IGSF22: variants seen among roughly 807,000 people sequenced by gnomAD.
The protein encoded by IGSF22 is immunoglobulin superfamily member 22.
Under a neutral mutation model 127.0 loss-of-function variants are expected in IGSF22, and 119 were observed. The ratio of observed to expected loss-of-function variants is 0.94; its 90% CI spans 0.81 to 1.09. The LOEUF (loss-of-function observed/expected upper bound fraction) is 1.09, where lower values mean the gene tolerates loss of function less well. Ranked by LOEUF, IGSF22 falls within the 50% of genes least tolerant of loss-of-function variation. The pLI is 0.00. For synonymous variants in IGSF22, 568 were observed against 664.7 expected, an observed-to-expected ratio of 0.85 and a Z score of 2.24; for missense variants, 1,518 against 1,716.6, an observed-to-expected ratio of 0.88 and a Z score of 2.04.
chr11:18,712,493 CT>C (rs2134161904), intron 14 of IGSF22, 109 bp from the exon 15 acceptor site: 2 of 999,224 alleles, frequency 2.0e-6, no homozygotes, highest in Admixed American at 5.8e-5. Context: ...GGATTTTGAG[CT>C]TTTTGGATCC....
rs764511775 is a variant in IGSF22 at position 18,724,128 on chromosome 11, C to T, written c.109G>A (p.Glu37Lys). ...CCTTCCCTGCCCCCATTCCACTTGC[C>T]TCCCACGATCTTGGTTGTCTGGGAG... ...TFSQTTKIVG[E>K]EVVRRKSSSI... is the part of the protein sequence containing the mutation. The change falls in exon 2 of 23, where the codon GAG becomes AAG. Residue 37 changes from glutamate (E) to lysine (K), a missense_variant and splice_region_variant. This residue lies in a region of IGSF22 where 1,456 missense variants were observed against 1,644.9 expected (regional missense o/e 0.89). Transcript: ENST00000513874. The T allele has an allele frequency of 1.9e-6, 3 of 1,611,078 alleles. No homozygotes were observed. Among genetic ancestry groups the T allele is most frequent in the Admixed American group, 1.7e-5 (1 of 59,980 alleles).
At chr11:18,721,503 T>C (rs1018349020) in intron 4 of IGSF22, 32 bp downstream of exon 4, 1 of 1,613,982 alleles carries the variant, frequency 6.2e-7, no homozygotes, top group Admixed American at 1.7e-5. Context: ...TCTGGCCTTC[T>C]CGGTAACTGG....
In IGSF22 at chr11:18,707,196, TG is replaced by T. The variant is rs753710513; in HGVS notation, c.3297del (p.Thr1100GlnfsTer13). On this transcript the variant is annotated frameshift_variant, in exon 21 of 23. Transcript: ENST00000513874. LOFTEE classifies it high-confidence loss of function. ...ACTTCCTCAAACAACCGTAGGTTTG[TG>T]GGGGGCCGAGGGAAATCTGGAAGAG... is the stretch of plus-strand genomic sequence containing the variant. Reference protein sequence around the residue: ...HVRVADFPRPPTNLRLFEEVP... With the variant: ...HVRVADFPRPXTNLRLFEEVP... 2.0e-5 allele frequency: 30 copies of T among 1,534,556 alleles called. No individual in the cohort carries two copies. The highest frequency in any genetic ancestry group is 1.9e-4 in the African/African-American group (14 of 72,814).
At chr11:18,721,887 G>C in intron 3 of IGSF22, 23 bp downstream of exon 3, 1 of 1,611,122 alleles carries the variant, frequency 6.2e-7, no homozygotes, top group Admixed American at 1.7e-5. Context: ...CTGGAGCCCG[G>C]TGAGCCACAG....
rs1222886832 is a variant in IGSF22 at position 18,716,953 on chromosome 11, C to T, written c.1021G>A (p.Glu341Lys). The T allele has an allele frequency of 5.0e-6, 8 of 1,614,120 alleles. No individual in the cohort carries two copies. Among genetic ancestry groups the T allele is most frequent in the Middle Eastern group, 1.6e-4 (1 of 6,084 alleles). Residue 341 changes from glutamate to lysine, a missense_variant, in exon 10 of 23, where the codon GAG (glutamate) becomes AAG (lysine). Physicochemically the swap from Glu to Lys is moderately conservative, Grantham distance 56. Around this residue, in one of 3 missense-constraint regions of IGSF22, gnomAD observed 1,456 missense variants for 1,644.9 expected, o/e 0.89. Coordinates refer to ENST00000513874, the MANE Select transcript of IGSF22 (RefSeq NM_173588.4). This position sits in a 1 kb window ranked among gnomAD's most constrained non-coding sequence, Gnocchi z 4.5. ...LGEMKPVKVT[E>K]RQTAVFEIRL... is the part of the protein sequence containing the mutation. Reference sequence around the variant, plus strand: ...ATCTCAAACACAGCTGTCTGGCGCTCTGTCACCTTCACAGGCTTCATCTCT... The same window carrying T: ...ATCTCAAACACAGCTGTCTGGCGCTTTGTCACCTTCACAGGCTTCATCTCT...
chr11:18,712,044 C>T (rs1266147263), intron 15 of IGSF22, 38 bp downstream of exon 15: 1 of 1,517,226 alleles, frequency 6.6e-7, no homozygotes, highest in South Asian at 1.3e-5. Context: ...CATGCTGACC[C>T]CTGGGTTCCC....
Position 18,709,576 on chromosome 11 carries a change from G to C in IGSF22, c.2809C>G (p.Leu937Val). ...AEGDPPSGYI[L>V]EMRAEDTKEW... Reference sequence around the variant, plus strand: ...TTTGTGTCTTCAGCCCTCATCTCAAGGATGTAGCCAGAGGGTGGGTCTCCC... The same window carrying C: ...TTTGTGTCTTCAGCCCTCATCTCAACGATGTAGCCAGAGGGTGGGTCTCCC... Residue 937 changes from leucine to valine, a missense_variant, in exon 18 of 23, where the codon CTT (leucine) becomes GTT (valine). Leu to Val is a conservative substitution (Grantham distance 32). This residue lies in a region of IGSF22 where 1,456 missense variants were observed against 1,644.9 expected (regional missense o/e 0.89). Coordinates refer to ENST00000513874, the MANE Select transcript of IGSF22 (RefSeq NM_173588.4). This position sits in a 1 kb window ranked among gnomAD's most constrained non-coding sequence, Gnocchi z 4.8. The C allele has an allele frequency of 1.2e-6, 2 of 1,614,220 alleles. No homozygotes were observed. Among genetic ancestry groups the C allele is most frequent in the Non-Finnish European group, 1.7e-6 (2 of 1,180,048 alleles).
chr11:18,710,223 A>C (rs1359896532), intron 17 of IGSF22, 104 bp downstream of exon 17: 1 of 1,448,788 alleles, frequency 6.9e-7, no homozygotes, highest in Admixed American at 1.8e-5. Flanking sequence ...CAGAGTGTAG[A>C]GACTGTGATA....
At chr11:18,719,958 C>G (rs1564875675) in intron 6 of IGSF22, 65 bp from the exon 7 acceptor site, 6 of 1,610,762 alleles carry the variant, frequency 3.7e-6, no homozygotes, top group Non-Finnish European at 5.1e-6. Flanking sequence ...AAACCCCTCC[C>G]TACTCCATGG....
Position 18,709,106 on chromosome 11 carries a change from A to G in IGSF22, c.2998+281T>C, listed in dbSNP as rs537427706. The stretch of plus-strand genomic sequence containing the variant: ...TTGTGTCCATTAAACTCTTTGTTGC[A>G]ATGCTGTGGTCTCAGTGAACTGGTT... On this transcript the variant is annotated intron_variant, in intron 18 of 22. Transcript: ENST00000513874. The surrounding 1 kb of genome is among the most constrained non-coding windows in gnomAD (Gnocchi z 4.8). Among the ~76,000 whole-genome samples the G allele has an allele frequency of 2.3e-4, 35 of 152,306 alleles. No homozygotes were observed. In the South Asian group the frequency reaches 7.1e-3, roughly 31 times the overall value.
rs1235978116 is a variant in IGSF22 at position 18,712,387 on chromosome 11, G to T, written c.2096-3C>A. 6.5e-7 allele frequency: 1 copy of T among 1,546,318 alleles called. No individual in the cohort carries two copies. The highest frequency in any genetic ancestry group is 1.4e-5 in the African/African-American group (1 of 72,810). On this transcript the variant is annotated splice_region_variant and splice_polypyrimidine_tract_variant and intron_variant, in intron 14 of 22. Transcript: ENST00000513874. ...GCCCTGTGGAGGCTTTGGACGGTCT[G>T]GGGACAGAGAACAGCTTCAGAATGG... is the stretch of plus-strand genomic sequence containing the variant.
In IGSF22 at chr11:18,717,110, A is replaced by G. The variant is rs1319043542; in HGVS notation, c.974-110T>C. On this transcript the variant is annotated intron_variant, in intron 9 of 22. Transcript: ENST00000513874. Reference sequence around the variant, plus strand: ...GCCTCCTGTAGCCCATGGCTGGGGGAAAGCACCCTGCCTTTGGTTTTGTTT... The same window carrying G: ...GCCTCCTGTAGCCCATGGCTGGGGGGAAGCACCCTGCCTTTGGTTTTGTTT... The G allele has an allele frequency of 2.6e-5, 32 of 1,209,964 alleles. No individual in the cohort carries two copies. The Admixed American group carries it at 7.7e-4, about 29-fold the overall frequency. 75.0% of individuals were successfully genotyped at this position (1,209,964 alleles called of 1,614,324 possible).
chr11:18,718,861 T>C (rs1848511420), intron 7 of IGSF22, 133 bp from the exon 8 acceptor site: 1 of 643,008 alleles, frequency 1.6e-6, no homozygotes. Flanking sequence ...CAACGTGCAG[T>C]GCTCCAGTGA....
chr11:18,706,292 G>C, intron 21 of IGSF22, 146 bp from the exon 22 acceptor site: 1 of 791,424 alleles, frequency 1.3e-6, no homozygotes, highest in Non-Finnish European at 2.0e-6. Context: ...TGTTACACTG[G>C]TTCTTAAGGG....
At chr11:18,714,236 C>G in intron 13 of IGSF22, 41 bp downstream of exon 13, 1 of 1,597,820 alleles carries the variant, frequency 6.3e-7, no homozygotes, top group Admixed American at 1.7e-5. Context: ...GTAGGTGGGC[C>G]AGGCATGGTT....
intron 7 of IGSF22, among the ~76,000 whole-genome samples, chr11:18,719,429 A>G (rs1848526786): frequency 1.3e-5 from 2 of 151,976 alleles, no homozygotes; most frequent in African/African-American, 4.8e-5. Context: ...GGCCTCCCAG[A>G]GTGCTGGGAT....
Position 18,714,350 on chromosome 11 carries a change from C to A in IGSF22, c.1725G>T (p.Met575Ile), listed in dbSNP as rs760440319. The change falls in exon 13 of 23, where the codon ATG (methionine) becomes ATT (isoleucine). Residue 575 changes from methionine (M) to isoleucine (I), a missense_variant. Transcript: ENST00000513874. ...TGTACTTGCCCTCGTGCTCAGGGCC[C>A]ATACTGGGAAAGATGAGCTTGTGCA... ...GAVHKLIFPS[M>I]GPEHEGKYTF... 4.0e-5 allele frequency: 65 copies of A among 1,614,118 alleles called. No individual in the cohort carries two copies. Among genetic ancestry groups the A allele is most frequent in the Non-Finnish European group, 5.4e-5 (64 of 1,180,052 alleles).
chr11:18,710,758 A>G lies in IGSF22; in HGVS notation c.2469T>C (p.Asn823=). 1 of 1,614,084 alleles carries G rather than the reference A, an allele frequency of 6.2e-7. No homozygotes were observed. The highest frequency in any genetic ancestry group is 8.5e-7 in the Non-Finnish European group (1 of 1,179,920). The change falls in exon 16 of 23, where the codon AAT becomes AAC. Residue 823 remains asparagine, a synonymous_variant. Transcript: ENST00000513874. ...VTKEAVTITW[N]APTQDGGAPV... is the part of the protein sequence containing the mutation. ...GGGCTCCCCCATCCTGGGTAGGGGC[A>G]TTCCACGTGATGGTCACGGCTTCTT...
Position 18,714,621 on chromosome 11 carries a change from C to G in IGSF22, c.1535G>C (p.Arg512Pro), listed in dbSNP as rs759693497. The part of the protein sequence containing the change: ...YSTAIVTVEE[R>P]LATVKSGMSD... ...CATCCCGCTCTTCACTGTGGCCAGA[C>G]GCTCTGGGGAGAAAGGTGGGCAAGG... The change falls in exon 12 of 23, where the codon CGT becomes CCT. Residue 512 changes from arginine to proline, a missense_variant. Arg to Pro is a moderately radical substitution (Grantham distance 103). Transcript: ENST00000513874. The G allele has an allele frequency of 6.2e-7, 1 of 1,613,816 alleles. No homozygotes were observed. Among genetic ancestry groups the G allele is most frequent in the Non-Finnish European group, 8.5e-7 (1 of 1,180,050 alleles).
Sources: allele counts gnomAD v4.1 joint callset (sites outside exome capture counted in the v4.1 genomes callset), GRCh38; gene constraint gnomAD v4.1.1; regional missense constraint gnomAD v4.1.1; non-coding constraint Gnocchi (gnomAD v3.1); transcripts MANE v1.5; gene names NCBI Gene and HGNC (gene_info 2026-07-23, HGNC 2026-07-21).